Variants in USP6NL observed in about 807,000 individuals in gnomAD.
The protein encoded by USP6NL is USP6 N-terminal-like protein.
Under a neutral mutation model 61.9 loss-of-function variants are expected in USP6NL, and 26 were observed. That is an observed-to-expected ratio of 0.42 (90% CI 0.31 to 0.58). The LOEUF (loss-of-function observed/expected upper bound fraction) is 0.58, where lower values mean the gene tolerates loss of function less well. USP6NL is among the 20% of genes least tolerant of loss of function. USP6NL has a pLI of 0.16. For missense variants in USP6NL, 1,114 were observed against 1,034.3 expected (o/e 1.08, Z -1.06); for synonymous variants, 432 against 390.1 (o/e 1.11, Z -1.27).
chr10:11,596,795 C>G lies in USP6NL; in HGVS notation c.4+836G>C, dbSNP rs17460054. On this transcript the variant is annotated intron_variant, in intron 2 of 14. Transcript: ENST00000609104. This position sits in a 1 kb window ranked among gnomAD's most constrained non-coding sequence, Gnocchi z 4.1. Reference sequence around the variant, plus strand: ...GCACTCCAATATTTTACAACAGCAGCGTCATTTTCACTTATCTACTGCCTA... The same window carrying G: ...GCACTCCAATATTTTACAACAGCAGGGTCATTTTCACTTATCTACTGCCTA... 0.032 allele frequency among the ~76,000 whole-genome samples: 4,859 copies of G among 152,158 alleles called. 120 individuals carry two copies. The highest frequency in any genetic ancestry group is 0.083 in the Middle Eastern group (24 of 290).
chr10:11,563,100 C>G (rs997933565), intron 2 of USP6NL: 1 of 152,076 alleles, frequency 6.6e-6, no homozygotes, highest in African/African-American at 2.4e-5. Flanking sequence ...CTGTGGAATA[C>G]TACTCATCAA....
At chr10:11,504,651 A>G (rs1834358650) in intron 6 of USP6NL, among the ~76,000 whole-genome samples, 1 of 152,266 alleles carries the variant, frequency 6.6e-6, no homozygotes, top group Admixed American at 6.5e-5. Flanking sequence ...TTCTAAAATG[A>G]TAACTTGTAA....
intron 1 of USP6NL, among the ~76,000 whole-genome samples, chr10:11,599,759 C>T (rs1026643386): frequency 5.1e-5 from 7 of 135,942 alleles, no homozygotes; most frequent in South Asian, 2.3e-4. Flanking sequence ...GAGACGTAGT[C>T]TCGCTCTGTC....
rs1208686061 is a variant in USP6NL, at chr10:11,527,521, T to C, written c.51A>G (p.Glu17=). 1.2e-6 allele frequency: 2 copies of C among 1,608,176 alleles called. No homozygotes were observed. Among genetic ancestry groups the C allele is most frequent in the African/African-American group, 1.3e-5 (1 of 74,868 alleles). Residue 17 remains glutamate, a synonymous_variant, in exon 3 of 15, where the codon GAA becomes GAG. Coordinates refer to ENST00000609104, the MANE Select transcript of USP6NL (RefSeq NM_014688.5). ...VALKLAQERA[E]IVAKYDRGRE... ...TTACTCTGTCATATTTAGCAACTAT[T>C]TCAGCTCGCTCCTGGGCAAGTTTGA...
At position 11,562,991 on chromosome 10, in the gene USP6NL, TA is replaced by T. The variant is rs559144520; in HGVS notation, c.4+34639del. Among the ~76,000 whole-genome samples the T allele has an allele frequency of 6.6e-6, 1 of 150,848 alleles. No individual in the cohort carries two copies. On this transcript the variant is annotated intron_variant, in intron 2 of 14. Coordinates refer to ENST00000609104, the MANE Select transcript of USP6NL (RefSeq NM_014688.5). This position sits in a 1 kb window ranked among gnomAD's most constrained non-coding sequence, Gnocchi z 4.8. ...TTCATAGTAGCTTTATTTGTAATAGTAAAAAAAATAAAAAATAAAATAAAAT... is the reference window on the plus strand; with the variant it reads ...TTCATAGTAGCTTTATTTGTAATAGTAAAAAAATAAAAAATAAAATAAAAT...
intron 2 of USP6NL, among the ~76,000 whole-genome samples, chr10:11,580,337 T>C (rs1275226128): frequency 6.6e-6 from 1 of 152,198 alleles, no homozygotes; most frequent in East Asian, 1.9e-4. Context: ...ATCAAAAGCC[T>C]TAGCCTTTTG....
In USP6NL at chr10:11,470,074, G is replaced by A. The variant is rs936099752; in HGVS notation, c.1079-6225C>T. Among the ~76,000 whole-genome samples the A allele has an allele frequency of 1.3e-5, 2 of 152,212 alleles. No individual in the cohort carries two copies. The highest frequency in any genetic ancestry group is 2.9e-5 in the Non-Finnish European group (2 of 68,044). ...AGGCCCCCGGGGCAGCGCTGTGGAG[G>A]TAGTAACGCTGTGCCTCTCATGAGG... On this transcript the variant is annotated intron_variant, in intron 14 of 14. Coordinates refer to ENST00000609104, the MANE Select transcript of USP6NL (RefSeq NM_014688.5). This position sits in a 1 kb window ranked among gnomAD's most constrained non-coding sequence, Gnocchi z 5.4.
chr10:11,476,997 G>A lies in USP6NL; in HGVS notation c.1078+4773C>T, dbSNP rs897814669. On this transcript the variant is annotated intron_variant, in intron 14 of 14. Transcript: ENST00000609104. The surrounding 1 kb of genome is among the most constrained non-coding windows in gnomAD (Gnocchi z 4.3). The stretch of plus-strand genomic sequence containing the variant: ...AGCAATCCTCCTGCCTCAGCCTCCC[G>A]AGTAGTTGGGATTACAGGCACCTGC... 3.9e-5 allele frequency among the ~76,000 whole-genome samples: 6 copies of A among 152,056 alleles called. No homozygotes were observed. Among genetic ancestry groups the A allele is most frequent in the Admixed American group, 3.9e-4 (6 of 15,262 alleles).
Position 11,540,956 on chromosome 10 carries a change from AG to A in USP6NL, c.5-13390del, listed in dbSNP as rs1388066888. Among the ~76,000 whole-genome samples, 3 of 151,958 alleles carry A rather than the reference AG, an allele frequency of 2.0e-5. No homozygotes were observed. Among genetic ancestry groups the A allele is most frequent in the African/African-American group, 7.2e-5 (3 of 41,382 alleles). On this transcript the variant is annotated intron_variant, in intron 2 of 14. Transcript: ENST00000609104. The surrounding 1 kb of genome is among the most constrained non-coding windows in gnomAD (Gnocchi z 5.0). The stretch of plus-strand genomic sequence containing the variant: ...CACTGAATGGGATTTAATAAATAAA[AG>A]TGCTCATATCACACTAAAAGTGTCA...
At chr10:11,581,872 CAT>C (rs1447624842) in intron 2 of USP6NL, among the ~76,000 whole-genome samples, 1 of 152,182 alleles carries the variant, frequency 6.6e-6, no homozygotes, top group Non-Finnish European at 1.5e-5. Flanking sequence ...CCCAGGTTCA[CAT>C]GATTCTCCCT....
chr10:11,538,551 T>C (rs1357956303), intron 2 of USP6NL, among the ~76,000 whole-genome samples: 2 of 152,198 alleles, frequency 1.3e-5, no homozygotes, highest in African/African-American at 4.8e-5. Flanking sequence ...TAAAAATTAA[T>C]TACTAAAGTG....
rs1037641424 is a variant in USP6NL, at chr10:11,461,887, G to C, written c.*554C>G. On this transcript the variant is annotated 3_prime_UTR_variant, in exon 15 of 15. Coordinates refer to ENST00000609104, the MANE Select transcript of USP6NL (RefSeq NM_014688.5). ...TTTAGGACCCAGGTTACAAATATAT[G>C]AGAGGGAAAAAGAAAAACTGGACTA... 6.5e-6 allele frequency: 1 copy of C among 152,704 alleles called. No individual in the cohort carries two copies. The highest frequency in any genetic ancestry group is 1.5e-5 in the Non-Finnish European group (1 of 68,396). 9.5% of individuals were successfully genotyped at this position (152,704 alleles called of 1,614,324 possible).
chr10:11,479,565 G>GTT (rs398054117), intron 14 of USP6NL, among the ~76,000 whole-genome samples: 80 of 129,874 alleles, frequency 6.2e-4, no homozygotes, highest in East Asian at 8.9e-4. Flanking sequence ...TCATGTAGGT[G>GTT]TTTTTTTTTT....
intron 2 of USP6NL, among the ~76,000 whole-genome samples, chr10:11,559,741 C>G (rs1165632637): frequency 6.6e-6 from 1 of 152,146 alleles, no homozygotes; most frequent in East Asian, 1.9e-4. Flanking sequence ...AGATAGATGG[C>G]TGCTTTCAAC....
In USP6NL at chr10:11,482,007, A is replaced by C; in HGVS notation, c.926-85T>G. ...ATTCTATTATATTCAGGTGTAGTGT[A>C]AAAGGGCATTAAAAAGGGCGCAAGC... On this transcript the variant is annotated intron_variant, in intron 13 of 14. Transcript: ENST00000609104. This position sits in a 1 kb window ranked among gnomAD's most constrained non-coding sequence, Gnocchi z 4.0. The C allele has an allele frequency of 2.2e-6, 3 of 1,372,324 alleles. No individual in the cohort carries two copies. Among genetic ancestry groups the C allele is most frequent in the Non-Finnish European group, 2.9e-6 (3 of 1,039,090 alleles). 85.0% of individuals were successfully genotyped at this position (1,372,324 alleles called of 1,614,324 possible). A position where few individuals can be genotyped will look rare whatever the true frequency, so the allele number is the denominator to read the frequency against.
At chr10:11,464,529 C>A (rs1832362909) in intron 14 of USP6NL, among the ~76,000 whole-genome samples, 1 of 152,202 alleles carries the variant, frequency 6.6e-6, no homozygotes, top group Non-Finnish European at 1.5e-5. Context: ...AGAATTCAAA[C>A]CCTAAGCTGA....
Position 11,525,247 on chromosome 10 carries a change from G to C in USP6NL, c.155+139C>G. 1 of 592,952 alleles carries C rather than the reference G, an allele frequency of 1.7e-6. No homozygotes were observed. Among genetic ancestry groups the C allele is most frequent in the East Asian group, 3.5e-5 (1 of 28,472 alleles). 36.7% of individuals were successfully genotyped at this position (592,952 alleles called of 1,614,324 possible). On this transcript the variant is annotated intron_variant, in intron 4 of 14. Coordinates refer to ENST00000609104, the MANE Select transcript of USP6NL (RefSeq NM_014688.5). The surrounding 1 kb of genome is among the most constrained non-coding windows in gnomAD (Gnocchi z 5.0). ...TCACAGAGTTGTTAAAAGAAACCTAGGAATTTAGTATCAAAACGCATATTG... is the reference window on the plus strand; with the variant it reads ...TCACAGAGTTGTTAAAAGAAACCTACGAATTTAGTATCAAAACGCATATTG...
At chr10:11,538,758 G>A (rs534409395) in intron 2 of USP6NL, among the ~76,000 whole-genome samples, 4 of 152,014 alleles carry the variant, frequency 2.6e-5, no homozygotes, top group African/African-American at 9.7e-5. Context: ...ATTCAGACAT[G>A]AGAAGTCACA....
chr10:11,536,837 C>T (rs11257160), intron 2 of USP6NL, among the ~76,000 whole-genome samples: 17,258 of 152,238 alleles, frequency 0.11, 1,293 homozygotes, highest in East Asian at 0.16. Flanking sequence ...ATCTTGCTCC[C>T]CCTATTAGCA....
Sources: allele counts gnomAD v4.1 joint callset (sites outside exome capture counted in the v4.1 genomes callset), GRCh38; gene constraint gnomAD v4.1.1; non-coding constraint Gnocchi (gnomAD v3.1); transcripts MANE v1.5; gene names NCBI Gene and HGNC (gene_info 2026-07-23, HGNC 2026-07-21).